MAP3K20: variants seen among roughly 807,000 people sequenced by gnomAD.
MAP3K20 encodes mitogen-activated protein kinase kinase kinase 20.
A neutral mutation model predicts 85.7 loss-of-function variants in MAP3K20; 40 were observed. The observed-to-expected ratio is 0.47, with a 90% CI of 0.36 to 0.61. The LOEUF is 0.61. MAP3K20 is among the 20% of genes least tolerant of loss of function. The pLI is 0.00. For missense variants in MAP3K20, 817 were observed against 961.7 expected, an observed-to-expected ratio of 0.85 and a Z score of 1.99; for synonymous variants, 325 against 327.7, an observed-to-expected ratio of 0.99 and a Z score of 0.09.
chr2:173,142,565 A>T, intron 2 of MAP3K20, among the ~76,000 whole-genome samples: 1 of 152,258 alleles, frequency 6.6e-6, no homozygotes, highest in East Asian at 1.9e-4. Context: ...GCACAAAATT[A>T]AATCTAAGTA....
intron 2 of MAP3K20, among the ~76,000 whole-genome samples, chr2:173,162,403 C>T (rs540901869): frequency 1.7e-4 from 26 of 151,814 alleles, no homozygotes; most frequent in African/African-American, 5.3e-4. Flanking sequence ...TGTTGAGGAC[C>T]GGCTGGGCAT....
At chr2:173,162,689 A>C (rs1689697959) in intron 2 of MAP3K20, among the ~76,000 whole-genome samples, 1 of 60,144 alleles carries the variant, frequency 1.7e-5, no homozygotes, top group African/African-American at 1.1e-4. Flanking sequence ...TCCGTCTCCA[A>C]AAAAAAAAAA....
intron 10 of MAP3K20, chr2:173,212,286 C>G (rs149215202): frequency 1.3e-5 from 2 of 151,994 alleles, no homozygotes; most frequent in Admixed American, 1.3e-4. Flanking sequence ...CTCTCCAGCC[C>G]GAGTGTCCAA....
At chr2:173,224,760 A>G (rs1684339395) in intron 11 of MAP3K20, 1 of 985,310 alleles carries the variant, frequency 1.0e-6, no homozygotes, top group Non-Finnish European at 1.2e-6. Context: ...TCTAAATCAT[A>G]TAATCAGAAT....
Position 173,198,090 on chromosome 2 carries a change from G to T in MAP3K20, c.647G>T (p.Trp216Leu). 2 of 1,613,016 alleles carry T rather than the reference G, an allele frequency of 1.2e-6. No homozygotes were observed. The highest frequency in any genetic ancestry group is 2.2e-5 in the South Asian group (2 of 91,034). Reference sequence around the variant, plus strand: ...GGTTTGGAAGGATTACAAGTAGCTTGGCTTGTAGTGGAAAAAAACGAGGTA... The same window carrying T: ...GGTTTGGAAGGATTACAAGTAGCTTTGCTTGTAGTGGAAAAAAACGAGGTA... ...FKGLEGLQVA[W>L]LVVEKNERLT... Residue 216 changes from tryptophan to leucine, a missense_variant, in exon 8 of 20, where the codon TGG becomes TTG. Trp to Leu is a moderately conservative substitution (Grantham distance 61). This residue lies in a region of MAP3K20 where 200 missense variants were observed against 302.7 expected (regional missense o/e 0.66). Coordinates refer to ENST00000375213, the MANE Select transcript of MAP3K20 (RefSeq NM_016653.3). This position sits in a 1 kb window ranked among gnomAD's most constrained non-coding sequence, Gnocchi z 5.8.
At chr2:173,213,697 C>G (rs1182444852) in intron 10 of MAP3K20, among the ~76,000 whole-genome samples, 3 of 152,190 alleles carry the variant, frequency 2.0e-5, no homozygotes, top group Non-Finnish European at 4.4e-5. Context: ...CCTGCCCTTG[C>G]ACCCATGCTG....
In MAP3K20 at chr2:173,261,440, A is replaced by C. The variant is rs369847787; in HGVS notation, c.1551+303A>C. On this transcript the variant is annotated intron_variant, in intron 18 of 19. Transcript: ENST00000375213. Reference sequence around the variant, plus strand: ...GATGTTTGGTATTGGGGATACTAATAGTTAATACTAATTTTTTTTAAATCA... The same window carrying C: ...GATGTTTGGTATTGGGGATACTAATCGTTAATACTAATTTTTTTTAAATCA... 1.2e-4 allele frequency among the ~76,000 whole-genome samples: 19 copies of C among 152,328 alleles called. No individual in the cohort carries two copies. In the East Asian group the frequency reaches 3.7e-3, roughly 29 times the overall value.
At position 173,089,595 on chromosome 2, in the gene MAP3K20, T is replaced by G. The variant is rs542813424; in HGVS notation, c.-34-1403T>G. On this transcript the variant is annotated intron_variant, in intron 1 of 19. Transcript: ENST00000375213. ...ATGTAGTCATCGTGTTTCCCTTTTTTTTTTTGAGATGGAGTCTCGCTCTGT... is the reference window on the plus strand; with the variant it reads ...ATGTAGTCATCGTGTTTCCCTTTTTGTTTTTGAGATGGAGTCTCGCTCTGT... 8.5e-5 allele frequency among the ~76,000 whole-genome samples: 13 copies of G among 152,248 alleles called. No homozygotes were observed. In the East Asian group the frequency reaches 2.5e-3, roughly 29 times the overall value.
At chr2:173,086,907 C>G (rs1348157111) in intron 1 of MAP3K20, among the ~76,000 whole-genome samples, 1 of 152,214 alleles carries the variant, frequency 6.6e-6, no homozygotes, top group Non-Finnish European at 1.5e-5. Flanking sequence ...TACTGAAAGT[C>G]CCAAATACAC....
At chr2:173,262,888 C>T (rs935707558) in intron 18 of MAP3K20, among the ~76,000 whole-genome samples, 2 of 152,204 alleles carry the variant, frequency 1.3e-5, no homozygotes, top group African/African-American at 4.8e-5. Flanking sequence ...TGTTAGTAAT[C>T]GGACAATTAG....
chr2:173,266,777 G>T lies in MAP3K20; in HGVS notation c.*27G>T. 1.8e-6 allele frequency: 2 copies of T among 1,128,094 alleles called. No individual in the cohort carries two copies. The highest frequency in any genetic ancestry group is 2.6e-5 in the South Asian group (1 of 39,022). 69.9% of individuals were successfully genotyped at this position (1,128,094 alleles called of 1,614,324 possible). The stretch of plus-strand genomic sequence containing the variant: ...GAATTGAACTACATAGCTTTTCTAA[G>T]CAGGTTAAAAAAAAAAAAAAAAAGA... On this transcript the variant is annotated 3_prime_UTR_variant, in exon 20 of 20. Transcript: ENST00000375213.
rs550121902 is a variant in MAP3K20, at chr2:173,256,875, G to T, written c.1360-1824G>T. 8.2e-4 allele frequency among the ~76,000 whole-genome samples: 125 copies of T among 152,214 alleles called. 1 individual carries two copies. The highest frequency in any genetic ancestry group is 2.9e-3 in the African/African-American group (122 of 41,518). ...GTGCTAGAATAAGAAATGCAGTTCA[G>T]GTGCAGTGGCTTACACCTGTAATCC... On this transcript the variant is annotated intron_variant, in intron 16 of 19. Transcript: ENST00000375213.
At chr2:173,139,291 T>G (rs1688899639) in intron 2 of MAP3K20, among the ~76,000 whole-genome samples, 1 of 152,176 alleles carries the variant, frequency 6.6e-6, no homozygotes, top group Non-Finnish European at 1.5e-5. Context: ...TGCCTTAATG[T>G]CCTCCGAAAC....
At chr2:173,076,134 C>A (rs1054643545) in intron 1 of MAP3K20, 132 bp downstream of exon 1, 1 of 619,604 alleles carries the variant, frequency 1.6e-6, no homozygotes, top group Non-Finnish European at 2.0e-6. Flanking sequence ...TCGGGAGGCT[C>A]CTCGGGGCTC....
chr2:173,086,768 C>T, intron 1 of MAP3K20, among the ~76,000 whole-genome samples: 1 of 152,208 alleles, frequency 6.6e-6, no homozygotes, highest in South Asian at 2.1e-4. Context: ...ATTCCCTGGG[C>T]TTGTTCTGCA....
chr2:173,171,369 C>G (rs1689996989), intron 3 of MAP3K20, among the ~76,000 whole-genome samples: 1 of 152,170 alleles, frequency 6.6e-6, no homozygotes, highest in Admixed American at 6.5e-5. Flanking sequence ...GTGACACTCC[C>G]AAGAGACTAG....
chr2:173,256,442 C>T (rs1190073585), intron 16 of MAP3K20, among the ~76,000 whole-genome samples: 1 of 151,678 alleles, frequency 6.6e-6, no homozygotes, highest in African/African-American at 2.4e-5. Flanking sequence ...TCTTGGGCAA[C>T]ATAGCGAGAC....
intron 2 of MAP3K20, among the ~76,000 whole-genome samples, chr2:173,161,203 A>G (rs372506292): frequency 4.5e-4 from 68 of 152,366 alleles, no homozygotes; most frequent in East Asian, 4.2e-3. Flanking sequence ...GCCTTGGGCA[A>G]CAGTGCCTAC....
chr2:173,221,955 G>A lies in MAP3K20; in HGVS notation c.987+4705G>A. ...TTGTTCTTTGACACGTAGTAATTCT[G>A]TGACATACTTTTTTTTTCTTATAGC... On this transcript the variant is annotated intron_variant, in intron 11 of 19. Coordinates refer to ENST00000375213, the MANE Select transcript of MAP3K20 (RefSeq NM_016653.3). The A allele has an allele frequency of 4.1e-6, 4 of 986,554 alleles. No individual in the cohort carries two copies. The South Asian group carries it at 1.9e-4, about 46-fold the overall frequency. 61.1% of individuals were successfully genotyped at this position (986,554 alleles called of 1,614,324 possible).
Sources: gnomAD v4.1 joint callset for allele counts (sites outside exome capture counted in the v4.1 genomes callset) on GRCh38, gnomAD v4.1.1 for gene constraint, gnomAD v4.1.1 regional missense constraint, Gnocchi (gnomAD v3.1) non-coding constraint, MANE v1.5 for transcripts, NCBI Gene and HGNC (gene_info 2026-07-23, HGNC 2026-07-21) for gene names.